The following TIA1 variants were observed in gnomAD, a reference collection of about 807,000 sequenced individuals.
TIA1 encodes cytotoxic granule associated RNA binding protein TIA1.
A neutral mutation model predicts 65.9 loss-of-function variants in TIA1; 23 were observed. The observed-to-expected ratio is 0.35, with a 90% CI of 0.25 to 0.49. TIA1 has a LOEUF of 0.49. TIA1 is among the 20% of genes least tolerant of loss of function. The probability of loss-of-function intolerance (pLI) is 0.98; values close to 1 mark genes in which losing one functional copy is unlikely to be tolerated. For missense variants in TIA1, 371 were observed against 477.9 expected (o/e 0.78, Z 2.09); for synonymous variants, 147 against 149.4 (o/e 0.98, Z 0.12).
chr2:70,210,162 A>G lies in TIA1; in HGVS notation c.*2557T>C, dbSNP rs1676126953. 1 of 155,348 alleles carries G rather than the reference A, an allele frequency of 6.4e-6. No individual in the cohort carries two copies. Among genetic ancestry groups the G allele is most frequent in the South Asian group, 2.1e-4 (1 of 4,868 alleles). 9.6% of individuals were successfully genotyped at this position (155,348 alleles called of 1,614,324 possible). A position where few individuals can be genotyped will look rare whatever the true frequency, so the allele number is the denominator to read the frequency against. ...CAATATGGATAGACCAAAAAGAAAA[A>G]AAATCTCACACACAATAATCACTGC... On this transcript the variant is annotated 3_prime_UTR_variant, in exon 13 of 13. Transcript: ENST00000433529.
chr2:70,218,635 G>A (rs567268302), intron 7 of TIA1, among the ~76,000 whole-genome samples: 17 of 152,160 alleles, frequency 1.1e-4, no homozygotes, highest in South Asian at 8.3e-4. Context: ...GGGTTTCACC[G>A]TGTTAGACAG....
rs2082588321 is a variant in TIA1 at position 70,248,522 on chromosome 2, G to A, written c.-92C>T. The A allele has an allele frequency of 6.3e-7, 1 of 1,580,848 alleles. No individual in the cohort carries two copies. The highest frequency in any genetic ancestry group is 1.7e-4 in the Middle Eastern group (1 of 6,026). On this transcript the variant is annotated 5_prime_UTR_variant, in exon 1 of 13. Coordinates refer to ENST00000433529, the MANE Select transcript of TIA1 (RefSeq NM_022173.4). Reference sequence around the variant, plus strand: ...TAAGCGGTTATGGCTACAGGATAGTGGGGTTTCTCGGCTGACCAGAGGTTA... The same window carrying A: ...TAAGCGGTTATGGCTACAGGATAGTAGGGTTTCTCGGCTGACCAGAGGTTA...
intron 1 of TIA1, among the ~76,000 whole-genome samples, chr2:70,244,973 G>A (rs893799989): frequency 2.6e-5 from 4 of 151,990 alleles, no homozygotes; most frequent in Non-Finnish European, 4.4e-5. Flanking sequence ...CAGAAGAAAG[G>A]CAAGGCCCTC....
rs923797865 is a variant in TIA1 at position 70,211,580 on chromosome 2, C to G, written c.*1139G>C. On this transcript the variant is annotated 3_prime_UTR_variant, in exon 13 of 13. Transcript: ENST00000433529. The stretch of plus-strand genomic sequence containing the variant: ...TTTGTACATATTAAGTTGATTCACT[C>G]TTTTTGAGCAAATCTACCTAGAAAA... 6.6e-6 allele frequency: 1 copy of G among 152,468 alleles called. No individual in the cohort carries two copies. The highest frequency in any genetic ancestry group is 1.5e-5 in the Non-Finnish European group (1 of 68,038). The allele number at this position is 152,468 out of a possible 1,614,324, so 9.4% of individuals were successfully genotyped here.
intron 4 of TIA1, 37 bp downstream of exon 4, chr2:70,229,224 CAAT>C (rs757635713): frequency 6.2e-7 from 1 of 1,609,720 alleles, no homozygotes; most frequent in South Asian, 1.1e-5. Context: ...CTACTGGGTA[CAAT>C]AAAAACAAAT....
rs142311870 is a variant in TIA1 at position 70,214,218 on chromosome 2, G to A, written c.1034+131C>T. The A allele has an allele frequency of 3.4e-4, 344 of 1,003,464 alleles. No individual in the cohort carries two copies. In the African/African-American group the frequency reaches 5.1e-3, roughly 15 times the overall value. The allele number at this position is 1,003,464 out of a possible 1,614,324, so 62.2% of individuals were successfully genotyped here. A position where few individuals can be genotyped will look rare whatever the true frequency, so the allele number is the denominator to read the frequency against. On this transcript the variant is annotated intron_variant, in intron 12 of 12. Transcript: ENST00000433529. The stretch of plus-strand genomic sequence containing the variant: ...TTTTCTTACTAAAAAACAATTTTAA[G>A]TTCTTTCAAGGCTATAGTTACGCTT...
Position 70,224,280 on chromosome 2 carries a change from G to A in TIA1, c.474+274C>T, listed in dbSNP as rs1010005660. ...TGGGAATATAAACTAGGGAGATAAT[G>A]AATTAAATCCATAAATGAGATTTTC... On this transcript the variant is annotated intron_variant, in intron 7 of 12. Transcript: ENST00000433529. 10 of 399,436 alleles carry A rather than the reference G, an allele frequency of 2.5e-5. No homozygotes were observed. In the Middle Eastern group the frequency reaches 3.0e-3, roughly 120 times the overall value. The allele number at this position is 399,436 out of a possible 1,614,324, so 24.7% of individuals were successfully genotyped here.
rs868332886 is a variant in TIA1 at position 70,248,343 on chromosome 2, G to C, written c.26+62C>G. The stretch of plus-strand genomic sequence containing the variant: ...AACAATAGGCTGGGAGCGGCGCAGG[G>C]CCGAGGCCTTCCCTCCGGGACGACC... On this transcript the variant is annotated intron_variant, in intron 1 of 12. Transcript: ENST00000433529. 2.5e-6 allele frequency: 4 copies of C among 1,571,920 alleles called. No homozygotes were observed. In the Middle Eastern group the frequency reaches 7.0e-4, roughly 276 times the overall value.
At chr2:70,240,058 T>C (rs754739679) in intron 1 of TIA1, among the ~76,000 whole-genome samples, 2 of 152,156 alleles carry the variant, frequency 1.3e-5, no homozygotes, top group Admixed American at 6.6e-5. Context: ...ACATGAACAG[T>C]TGGTGTGGAA....
chr2:70,233,376 T>TA (rs1687370398), intron 2 of TIA1, among the ~76,000 whole-genome samples: 1 of 152,176 alleles, frequency 6.6e-6, no homozygotes, highest in East Asian at 1.9e-4. Flanking sequence ...CTAAAAAAAT[T>TA]AGAGAATAAA....
intron 1 of TIA1, among the ~76,000 whole-genome samples, chr2:70,245,003 T>A (rs1293448396): frequency 6.6e-6 from 1 of 152,172 alleles, no homozygotes; most frequent in Non-Finnish European, 1.5e-5. Context: ...TAGCAATTAA[T>A]TGGGCTCCGT....
At chr2:70,226,756 C>A (rs1012444321) in intron 6 of TIA1, among the ~76,000 whole-genome samples, 1 of 152,098 alleles carries the variant, frequency 6.6e-6, no homozygotes. Flanking sequence ...GAAAGCTGTA[C>A]TTATTTTCCT....
intron 1 of TIA1, among the ~76,000 whole-genome samples, chr2:70,237,109 T>G (rs1689318846): frequency 6.6e-6 from 1 of 152,226 alleles, no homozygotes; most frequent in African/African-American, 2.4e-5. Flanking sequence ...GTATGTTATT[T>G]GAAAATATAT....
intron 1 of TIA1, among the ~76,000 whole-genome samples, chr2:70,244,598 G>C (rs943557216): frequency 2.0e-5 from 3 of 151,974 alleles, no homozygotes; most frequent in African/African-American, 7.3e-5. Context: ...CACTTTGGGA[G>C]GCTGAGGCAG....
intron 7 of TIA1, among the ~76,000 whole-genome samples, chr2:70,219,126 T>C (rs987624965): frequency 1.3e-5 from 2 of 152,122 alleles, no homozygotes; most frequent in Non-Finnish European, 2.9e-5. Flanking sequence ...CGCAGAGAAG[T>C]AGACTGAAGA....
intron 1 of TIA1, among the ~76,000 whole-genome samples, chr2:70,245,755 T>C (rs1694004206): frequency 6.6e-6 from 1 of 152,180 alleles, no homozygotes; most frequent in African/African-American, 2.4e-5. Context: ...AATCAAATAC[T>C]GGTATTCTCT....
upstream of TIA1, chr2:70,248,721 A>T: frequency 2.1e-6 from 1 of 484,870 alleles, no homozygotes; most frequent in Non-Finnish European, 3.7e-6. Flanking sequence ...GCCCGGCTAC[A>T]CCTTAATCCA....
chr2:70,219,022 A>G (rs1680000055), intron 7 of TIA1, among the ~76,000 whole-genome samples: 1 of 152,238 alleles, frequency 6.6e-6, no homozygotes, highest in Non-Finnish European at 1.5e-5. Flanking sequence ...AAAGGGGAAC[A>G]GGTCTGAGGA....
chr2:70,238,071 G>A (rs1022532242), intron 1 of TIA1, among the ~76,000 whole-genome samples: 2 of 151,282 alleles, frequency 1.3e-5, no homozygotes, highest in African/African-American at 2.4e-5. Context: ...TGAGGCAGGA[G>A]AACGGCGTGA....
Sources: allele counts gnomAD v4.1 joint callset (sites outside exome capture counted in the v4.1 genomes callset), GRCh38; gene constraint gnomAD v4.1.1; transcripts MANE v1.5; gene names NCBI Gene and HGNC (gene_info 2026-07-23, HGNC 2026-07-21).